The following VGLL1 variants were observed in gnomAD, a reference collection of about 807,000 sequenced individuals.
VGLL1 encodes transcription cofactor vestigial-like protein 1.
Under a neutral mutation model 12.0 loss-of-function variants are expected in VGLL1, and 4 were observed. That is an observed-to-expected ratio of 0.33 (90% CI 0.16 to 0.76). The LOEUF (loss-of-function observed/expected upper bound fraction) is 0.76. Ranked by LOEUF, VGLL1 falls within the 30% of genes least tolerant of loss-of-function variation. The probability of loss-of-function intolerance (pLI) is 0.60; values close to 1 mark genes in which losing one functional copy is unlikely to be tolerated. For synonymous variants in VGLL1, 87 were observed against 81.2 expected, an observed-to-expected ratio of 1.07 and a Z score of -0.39; for missense variants, 204 against 208.7, an observed-to-expected ratio of 0.98 and a Z score of 0.14.
Position 136,551,083 on chromosome X carries a change from T to TTTTC in VGLL1, c.688+274_688+277dup, listed in dbSNP as rs199573625. 1.3e-5 allele frequency: 4 copies of TTTTC among 299,143 alleles called. No individual in the cohort carries two copies. The South Asian group carries it at 3.1e-4, about 23-fold the overall frequency. The allele number at this position is 299,143 out of a possible 1,213,427, so 24.7% of individuals were successfully genotyped here. A position where few individuals can be genotyped will look rare whatever the true frequency, so the allele number is the denominator to read the frequency against. On this transcript the variant is annotated intron_variant, in intron 4 of 4. Coordinates refer to ENST00000370634, the MANE Select transcript of VGLL1 (RefSeq NM_016267.4). ...GAAACTCTCCTTAGTTTCTTTTTTC[T>TTTTC]TTTCTTTCTTTCTTTTTTTTTTAAC...
At chrX:136,555,549 A>G (rs1017357297) in intron 4 of VGLL1, among the ~76,000 whole-genome samples, 3 of 111,793 alleles carry the variant, frequency 2.7e-5, no homozygotes, top group Non-Finnish European at 3.8e-5. Context: ...GAAGTCATTG[A>G]GAAGACAGAA....
At chrX:136,534,418 G>T (rs1222579357) in intron 1 of VGLL1, among the ~76,000 whole-genome samples, 1 of 112,640 alleles carries the variant, frequency 8.9e-6, no homozygotes, top group Non-Finnish European at 1.9e-5. Flanking sequence ...GGCCTTTAGT[G>T]TCTGGATTCT....
chrX:136,548,202 T>C (rs1055692408), intron 2 of VGLL1, among the ~76,000 whole-genome samples: 2 of 111,668 alleles, frequency 1.8e-5, no homozygotes, highest in African/African-American at 6.5e-5. Flanking sequence ...GGTTTCACAA[T>C]ATTGGCCAGG....
intron 2 of VGLL1, among the ~76,000 whole-genome samples, chrX:136,538,888 G>C (rs1488863804): frequency 1.9e-5 from 2 of 104,472 alleles, no homozygotes; most frequent in Non-Finnish European, 3.9e-5. Flanking sequence ...ATGATGTAGA[G>C]CTTGCTGTTA....
At position 136,548,940 on chromosome X, in the gene VGLL1, A is replaced by C. The variant is rs774230121; in HGVS notation, c.566A>C (p.Asn189Thr). 1.3e-5 allele frequency: 16 copies of C among 1,212,182 alleles called. No homozygotes were observed. In the South Asian group the frequency reaches 2.6e-4, roughly 20 times the overall value. Residue 189 changes from asparagine (N) to threonine (T), a missense_variant, in exon 3 of 5, where the codon AAT (asparagine) becomes ACT (threonine). Physicochemically the swap from Asn to Thr is moderately conservative, Grantham distance 65. Coordinates refer to ENST00000370634, the MANE Select transcript of VGLL1 (RefSeq NM_016267.4). ...ARPQESAARE[N>T]GNPGQIAGST... Reference sequence around the variant, plus strand: ...CCTCAGGAATCTGCCGCCAGGGAGAATGGCAACCCTGGCCAGATAGCTGGA... The same window carrying C: ...CCTCAGGAATCTGCCGCCAGGGAGACTGGCAACCCTGGCCAGATAGCTGGA...
intron 1 of VGLL1, among the ~76,000 whole-genome samples, chrX:136,534,233 T>G (rs189680550): frequency 2.7e-5 from 3 of 112,662 alleles, no homozygotes; most frequent in African/African-American, 9.7e-5. Context: ...TATCCATTCA[T>G]GTAGTAACCA....
At chrX:136,553,500 TG>T (rs1365737698) in intron 4 of VGLL1, among the ~76,000 whole-genome samples, 29 of 110,520 alleles carry the variant, frequency 2.6e-4, no homozygotes, top group Non-Finnish European at 1.5e-4. Flanking sequence ...TTAGTAGAGA[TG>T]GGGTTTCCCC....
Position 136,548,047 on chromosome X carries a change from C to T in VGLL1, c.215-542C>T, listed in dbSNP as rs183889148. Among the ~76,000 whole-genome samples the T allele has an allele frequency of 3.1e-4, 34 of 110,912 alleles. No individual in the cohort carries two copies. In the East Asian group the frequency reaches 9.5e-3, roughly 31 times the overall value. ...ACCGAGTCTCACTCTGTTGCCCAGG[C>T]TGGAGTGAAGTGGAGCAATCTCGGC... is the stretch of plus-strand genomic sequence containing the variant. On this transcript the variant is annotated intron_variant, in intron 2 of 4. Transcript: ENST00000370634.
At chrX:136,540,943 A>G (rs1603308591) in intron 2 of VGLL1, among the ~76,000 whole-genome samples, 1 of 111,955 alleles carries the variant, frequency 8.9e-6, no homozygotes, top group Non-Finnish European at 1.9e-5. Flanking sequence ...CATCTCTAAA[A>G]TGGAATAATA....
rs1428245300 is a variant in VGLL1, at chrX:136,550,749, T to C, written c.635-19T>C. On this transcript the variant is annotated intron_variant, in intron 3 of 4. Coordinates refer to ENST00000370634, the MANE Select transcript of VGLL1 (RefSeq NM_016267.4). ...CCTAGAAATTTCAGTTCCAATAATG[T>C]TTTCTTCTTCTTTTCTAGATAAGAA... The C allele has an allele frequency of 1.7e-6, 2 of 1,197,653 alleles. No homozygotes were observed. The highest frequency in any genetic ancestry group is 3.6e-5 in the South Asian group (2 of 55,655).
chrX:136,550,021 T>C (rs1013777046), intron 3 of VGLL1, among the ~76,000 whole-genome samples: 7 of 112,103 alleles, frequency 6.2e-5, no homozygotes, highest in African/African-American at 2.3e-4. Context: ...AAAAGGCCTG[T>C]TCAGCATAGC....
intron 4 of VGLL1, among the ~76,000 whole-genome samples, chrX:136,552,642 G>A (rs1185792948): frequency 8.9e-6 from 1 of 111,944 alleles, no homozygotes; most frequent in Non-Finnish European, 1.9e-5. Flanking sequence ...TTACTCAACC[G>A]ATATTCAGTA....
At chrX:136,542,306 G>A (rs140968472) in intron 2 of VGLL1, among the ~76,000 whole-genome samples, 1,721 of 111,201 alleles carry the variant, frequency 0.015, 14 homozygotes, top group Non-Finnish European at 0.024. Flanking sequence ...TTCTTTTCCC[G>A]TAAGGAAGAG....
In VGLL1 at chrX:136,546,377, A is replaced by G. The variant is rs138882300; in HGVS notation, c.215-2212A>G. ...AGGGTCTCCACTCCATGGGCCACTG[A>G]CTTCCAAGCCTAATCTGGAATGATG... is the stretch of plus-strand genomic sequence containing the variant. On this transcript the variant is annotated intron_variant, in intron 2 of 4. Coordinates refer to ENST00000370634, the MANE Select transcript of VGLL1 (RefSeq NM_016267.4). Among the ~76,000 whole-genome samples the G allele has an allele frequency of 3.2e-4, 36 of 111,639 alleles. No homozygotes were observed. The East Asian group carries it at 5.9e-3, about 18-fold the overall frequency.
At chrX:136,542,060 C>T (rs1344048734) in intron 2 of VGLL1, among the ~76,000 whole-genome samples, 2 of 109,934 alleles carry the variant, frequency 1.8e-5, no homozygotes, top group Non-Finnish European at 3.8e-5. Context: ...TGAGGCCGGC[C>T]TCAGGCCTGG....
chrX:136,553,821 G>A (rs946754730), intron 4 of VGLL1, among the ~76,000 whole-genome samples: 3 of 111,797 alleles, frequency 2.7e-5, no homozygotes, highest in Non-Finnish European at 5.6e-5. Flanking sequence ...TGAAGCAGGG[G>A]CATGTGGAGC....
chrX:136,548,889 T>C lies in VGLL1; in HGVS notation c.515T>C (p.Leu172Pro), dbSNP rs752915870. The stretch of plus-strand genomic sequence containing the variant: ...AAACGTGAGCCTCTCCTAAGTCTCC[T>C]CCAGCAAGACAGATGCCTAGCCCGT... ...DGKREPLLSLLQQDRCLARPQ... is the reference protein window; with the variant it reads ...DGKREPLLSLPQQDRCLARPQ... Residue 172 changes from leucine (L) to proline (P), a missense_variant, in exon 3 of 5, where the codon CTC becomes CCC. Transcript: ENST00000370634. 8.3e-7 allele frequency: 1 copy of C among 1,212,047 alleles called. No individual in the cohort carries two copies. The highest frequency in any genetic ancestry group is 1.1e-6 in the Non-Finnish European group (1 of 895,559).
intron 2 of VGLL1, among the ~76,000 whole-genome samples, chrX:136,538,684 C>T (rs1192226693): frequency 1.8e-5 from 2 of 112,830 alleles, no homozygotes; most frequent in Non-Finnish European, 1.9e-5. Context: ...CCCCTGTTTC[C>T]AGATGCCATC....
chrX:136,552,733 A>G (rs7049614), intron 4 of VGLL1, among the ~76,000 whole-genome samples: 28,651 of 111,499 alleles, frequency 0.26, 4,483 homozygotes, highest in African/African-American at 0.59. Flanking sequence ...CTTGCCTTAA[A>G]TCACACAGCA....
Sources: allele counts gnomAD v4.1 joint callset (sites outside exome capture counted in the v4.1 genomes callset), GRCh38; gene constraint gnomAD v4.1.1; transcripts MANE v1.5; gene names NCBI Gene and HGNC (gene_info 2026-07-23, HGNC 2026-07-21).